The following NETO1 variants were observed in gnomAD, a reference collection of about 807,000 sequenced individuals.
NETO1 encodes neuropilin and tolloid-like protein 1.
Under a neutral mutation model 61.3 loss-of-function variants are expected in NETO1, and 26 were observed. The ratio of observed to expected loss-of-function variants is 0.42; its 90% confidence interval spans 0.31 to 0.59. The LOEUF (loss-of-function observed/expected upper bound fraction) is 0.59, where lower values mean the gene tolerates loss of function less well. Among genes scored for constraint, NETO1 ranks in the 20% least tolerant of loss-of-function variants. NETO1 has a pLI of 0.12. For missense variants in NETO1, 531 were observed against 662.8 expected (o/e 0.80, Z 2.18); for synonymous variants, 225 against 225.8 (o/e 1.00, Z 0.03).
rs2073549450 is a variant in NETO1, at chr18:72,830,762, A to C, written c.469+28064T>G. On this transcript the variant is annotated intron_variant, in intron 4 of 10. Coordinates refer to ENST00000327305, the MANE Select transcript of NETO1 (RefSeq NM_138966.5). The surrounding 1 kb of genome is among the most constrained non-coding windows in gnomAD (Gnocchi z 4.9). ...TTTGACTGCATTTTCCCTCAAATTC[A>C]CCATCTCCTCTTTCTTAATCCTTCC... 6.6e-6 allele frequency among the ~76,000 whole-genome samples: 1 copy of C among 152,166 alleles called. No individual in the cohort carries two copies. Among genetic ancestry groups the C allele is most frequent in the South Asian group, 2.1e-4 (1 of 4,828 alleles).
At chr18:72,788,294 C>T (rs1253844209) in intron 6 of NETO1, among the ~76,000 whole-genome samples, 1 of 152,066 alleles carries the variant, frequency 6.6e-6, no homozygotes, top group Non-Finnish European at 1.5e-5. Context: ...TACCTATGAT[C>T]TAGTGATGGC....
chr18:72,767,473 T>A (rs569324094), intron 7 of NETO1, among the ~76,000 whole-genome samples: 1 of 152,172 alleles, frequency 6.6e-6, no homozygotes, highest in African/African-American at 2.4e-5. Flanking sequence ...ATTTTCTCAG[T>A]AACTCAATGA....
intron 7 of NETO1, among the ~76,000 whole-genome samples, chr18:72,780,288 C>T (rs973103658): frequency 6.6e-6 from 1 of 152,134 alleles, no homozygotes; most frequent in Admixed American, 6.6e-5. Flanking sequence ...GGGATGGGTG[C>T]CTCTGTAGGA....
intron 7 of NETO1, among the ~76,000 whole-genome samples, chr18:72,757,855 T>C (rs2070835174): frequency 6.6e-6 from 1 of 152,142 alleles, no homozygotes; most frequent in South Asian, 2.1e-4. Flanking sequence ...ATGCAGCATA[T>C]AAAGGAGATT....
intron 3 of NETO1, among the ~76,000 whole-genome samples, chr18:72,860,104 A>C (rs2074525261): frequency 6.6e-6 from 1 of 152,208 alleles, no homozygotes; most frequent in Non-Finnish European, 1.5e-5. Flanking sequence ...ACAGTCCAAA[A>C]TTCTGGCATC....
intron 4 of NETO1, among the ~76,000 whole-genome samples, chr18:72,826,824 C>T (rs1378189133): frequency 2.0e-5 from 3 of 152,172 alleles, no homozygotes; most frequent in Non-Finnish European, 2.9e-5. Flanking sequence ...TATTGTGCCA[C>T]AGCTGACGAA....
intron 7 of NETO1, among the ~76,000 whole-genome samples, chr18:72,773,322 A>G (rs1195822673): frequency 6.6e-6 from 1 of 152,160 alleles, no homozygotes; most frequent in African/African-American, 2.4e-5. Context: ...ATTAAATCAA[A>G]GTCAATCAAG....
chr18:72,863,782 T>C (rs1205019246), intron 3 of NETO1, among the ~76,000 whole-genome samples: 1 of 152,190 alleles, frequency 6.6e-6, no homozygotes. Context: ...TCTATCTTTA[T>C]CATTAAGACA....
intron 7 of NETO1, among the ~76,000 whole-genome samples, chr18:72,771,464 A>C (rs2071348597): frequency 1.3e-5 from 2 of 152,198 alleles, no homozygotes; most frequent in African/African-American, 2.4e-5. Flanking sequence ...AATCTGAGTT[A>C]GTGTGGAAGT....
chr18:72,832,654 A>G (rs988460570), intron 4 of NETO1, among the ~76,000 whole-genome samples: 2 of 152,178 alleles, frequency 1.3e-5, no homozygotes, highest in African/African-American at 4.8e-5. Flanking sequence ...GTGTCATCCA[A>G]GGGATTGATG....
chr18:72,796,804 A>C (rs932997822), intron 4 of NETO1, among the ~76,000 whole-genome samples: 3 of 152,206 alleles, frequency 2.0e-5, no homozygotes, highest in African/African-American at 7.2e-5. Context: ...AAAAAGGAAA[A>C]AAAAACTGTA....
At chr18:72,844,764 G>A (rs1381554091) in intron 4 of NETO1, among the ~76,000 whole-genome samples, 1 of 152,214 alleles carries the variant, frequency 6.6e-6, no homozygotes, top group African/African-American at 2.4e-5. Context: ...AACCGAGGTT[G>A]TTGGGTTTTG....
intron 4 of NETO1, among the ~76,000 whole-genome samples, chr18:72,823,016 A>T (rs2073250912): frequency 6.6e-6 from 1 of 152,182 alleles, no homozygotes; most frequent in Non-Finnish European, 1.5e-5. Flanking sequence ...TCCTTCAAGC[A>T]TCTCTGTATG....
At chr18:72,855,226 C>T (rs2074380723) in intron 4 of NETO1, among the ~76,000 whole-genome samples, 1 of 152,168 alleles carries the variant, frequency 6.6e-6, no homozygotes, top group Non-Finnish European at 1.5e-5. Context: ...AAGAAGAGAA[C>T]TCTTCAGGGC....
Position 72,865,427 on chromosome 18 carries a change from C to T in NETO1, c.29-186G>A, listed in dbSNP as rs914074188. The T allele has an allele frequency of 9.7e-6, 11 of 1,131,716 alleles. 1 individual carries two copies. The South Asian group carries it at 1.5e-4, about 15-fold the overall frequency. The allele number at this position is 1,131,716 out of a possible 1,614,324, so 70.1% of individuals were successfully genotyped here. ...GTACAAATCAGGAAACCTTGGGACTCCCTTAAGGAACTAATGCAAGTTAAG... is the reference window on the plus strand; with the variant it reads ...GTACAAATCAGGAAACCTTGGGACTTCCTTAAGGAACTAATGCAAGTTAAG... On this transcript the variant is annotated intron_variant, in intron 1 of 10. Coordinates refer to ENST00000327305, the MANE Select transcript of NETO1 (RefSeq NM_138966.5).
At chr18:72,758,661 G>GC (rs375707149) in intron 7 of NETO1, among the ~76,000 whole-genome samples, 160 of 151,962 alleles carry the variant, frequency 1.1e-3, no homozygotes, top group African/African-American at 3.5e-3. Context: ...ACATGGTGAA[G>GC]CCCGTCCCTA....
Position 72,867,319 on chromosome 18 carries a change from G to C in NETO1, c.-28C>G, listed in dbSNP as rs369366556. ...CTGTGCGTTACACCAGAGGCTCCGG[G>C]CTCCACTAATTCCATTTAGAGACGG... On this transcript the variant is annotated 5_prime_UTR_variant, in exon 1 of 11. Transcript: ENST00000327305. The C allele has an allele frequency of 1.3e-6, 2 of 1,559,502 alleles. No individual in the cohort carries two copies. Among genetic ancestry groups the C allele is most frequent in the Non-Finnish European group, 1.7e-6 (2 of 1,152,444 alleles).
At chr18:72,789,248 AC>A (rs1178438867) in intron 6 of NETO1, among the ~76,000 whole-genome samples, 1 of 99,902 alleles carries the variant, frequency 1.0e-5, no homozygotes, top group African/African-American at 2.7e-5. Context: ...ACACACACAC[AC>A]ATGTGCACAG....
chr18:72,782,541 ATGCCTCTAATCC>A (rs2071778836), intron 7 of NETO1, among the ~76,000 whole-genome samples: 1 of 152,188 alleles, frequency 6.6e-6, no homozygotes, highest in African/African-American at 2.4e-5. Flanking sequence ...ACAGTGGCTC[ATGCCTCTAATCC>A]CAGCACTTTG....
Sources: gnomAD v4.1 joint callset for allele counts (sites outside exome capture counted in the v4.1 genomes callset) on GRCh38, gnomAD v4.1.1 for gene constraint, Gnocchi (gnomAD v3.1) non-coding constraint, MANE v1.5 for transcripts, NCBI Gene and HGNC (gene_info 2026-07-23, HGNC 2026-07-21) for gene names.